SLC1A7: variants seen among roughly 807,000 people sequenced by gnomAD.
The protein encoded by SLC1A7 is solute carrier family 1 member 7, also known as excitatory amino acid transporter 5.
Under a neutral mutation model 47.7 loss-of-function variants are expected in SLC1A7, and 40 were observed. The observed-to-expected ratio is 0.84, with a 90% CI of 0.65 to 1.09. SLC1A7 has a LOEUF of 1.09. Ranked by LOEUF, SLC1A7 falls within the 50% of genes least tolerant of loss-of-function variation. The pLI is 0.00. For synonymous variants in SLC1A7, 323 were observed against 325.6 expected (o/e 0.99, Z 0.09); for missense variants, 746 against 769.5 (o/e 0.97, Z 0.36).
chr1:53,109,356 A>G (rs1644678353), intron 3 of SLC1A7, among the ~76,000 whole-genome samples: 1 of 152,206 alleles, frequency 6.6e-6, no homozygotes, highest in Non-Finnish European at 1.5e-5. Flanking sequence ...GATTCGAAAA[A>G]AAAGAGAAGG....
chr1:53,114,207 G>T (rs1170085228), intron 3 of SLC1A7, among the ~76,000 whole-genome samples: 2 of 152,168 alleles, frequency 1.3e-5, no homozygotes, highest in Admixed American at 6.5e-5. Flanking sequence ...CGCTGGGTCT[G>T]CAGTGCTTCC....
intron 5 of SLC1A7, among the ~76,000 whole-genome samples, chr1:53,099,057 C>T (rs568442648): frequency 6.6e-5 from 10 of 150,896 alleles, no homozygotes; most frequent in Middle Eastern, 3.5e-3. Flanking sequence ...ACACTCACAA[C>T]CCACCTCTGT....
rs139677452 is a variant in SLC1A7, at chr1:53,090,711, A to C, written c.1127T>G (p.Ile376Ser). The change falls in exon 8 of 11, where the codon ATC becomes AGC. Residue 376 changes from isoleucine to serine, a missense_variant. Coordinates refer to ENST00000371494, the MANE Select transcript of SLC1A7 (RefSeq NM_006671.6). ...ARFVLPVGATINMDGTALYEA... is the reference protein window; with the variant it reads ...ARFVLPVGATSNMDGTALYEA... ...GTAGAGCGCAGTGCCGTCCATGTTGATGGTGGCACCCACGGGCAGCACGAA... is the reference window on the plus strand; with the variant it reads ...GTAGAGCGCAGTGCCGTCCATGTTGCTGGTGGCACCCACGGGCAGCACGAA... 3 of 1,614,098 alleles carry C rather than the reference A, an allele frequency of 1.9e-6. No individual in the cohort carries two copies. Among genetic ancestry groups the C allele is most frequent in the Non-Finnish European group, 2.5e-6 (3 of 1,180,006 alleles).
intron 4 of SLC1A7, among the ~76,000 whole-genome samples, chr1:53,105,503 C>T (rs777663001): frequency 1.4e-4 from 21 of 152,108 alleles, no homozygotes; most frequent in Non-Finnish European, 2.2e-4. Context: ...CTTCTCTCCA[C>T]CCCCACACTT....
intron 2 of SLC1A7, among the ~76,000 whole-genome samples, chr1:53,130,230 G>T (rs1337528518): frequency 2.0e-5 from 3 of 152,214 alleles, no homozygotes; most frequent in Non-Finnish European, 2.9e-5. Context: ...TGAATACAGA[G>T]TGAGACTTTA....
chr1:53,088,354 A>T (rs922265570), intron 10 of SLC1A7, 127 bp from the exon 11 acceptor site: 2 of 755,048 alleles, frequency 2.6e-6, no homozygotes, highest in Non-Finnish European at 2.1e-6. Flanking sequence ...TCCTGCAGAC[A>T]CGCTGTGTGA....
At position 53,093,442 on chromosome 1, in the gene SLC1A7, G is replaced by A; in HGVS notation, c.797+19C>T. On this transcript the variant is annotated intron_variant, in intron 6 of 10. Coordinates refer to ENST00000371494, the MANE Select transcript of SLC1A7 (RefSeq NM_006671.6). ...ACCCAGGGCTGGCCGGGGTGAGGTG[G>A]GTAAATGAGGAGGCTTACCACACAG... The A allele has an allele frequency of 6.3e-7, 1 of 1,587,550 alleles. No homozygotes were observed. The highest frequency in any genetic ancestry group is 8.6e-7 in the Non-Finnish European group (1 of 1,164,568).
chr1:53,104,647 T>G (rs1177843307), intron 4 of SLC1A7, among the ~76,000 whole-genome samples: 1 of 152,208 alleles, frequency 6.6e-6, no homozygotes, highest in Non-Finnish European at 1.5e-5. Context: ...CAATCTGGCT[T>G]ATTTCATGGA....
chr1:53,122,553 A>G (rs1644837272), intron 2 of SLC1A7, among the ~76,000 whole-genome samples: 1 of 152,274 alleles, frequency 6.6e-6, no homozygotes, highest in Middle Eastern at 3.4e-3. Context: ...CATTAGCGCC[A>G]GCTCCAAGTC....
chr1:53,103,349 T>C lies in SLC1A7; in HGVS notation c.694A>G (p.Met232Val). The C allele has an allele frequency of 1.3e-6, 2 of 1,596,516 alleles. No homozygotes were observed. Among genetic ancestry groups the C allele is most frequent in the Non-Finnish European group, 1.7e-6 (2 of 1,172,356 alleles). Reference sequence around the variant, plus strand: ...TGGGCAGGTGGGCAGCACATACCCATGGTGGCAGAGAAGAAGACGATGCCC... The same window carrying C: ...TGGGCAGGTGGGCAGCACATACCCACGGTGGCAGAGAAGAAGACGATGCCC... ...VLGIVFFSAT[M>V]GIMLGRMGDS... is the part of the protein sequence containing the mutation. Residue 232 changes from methionine (M) to valine (V), a missense_variant, in exon 5 of 11, where the codon ATG becomes GTG. Transcript: ENST00000371494.
At chr1:53,101,645 C>T (rs551174122) in intron 5 of SLC1A7, among the ~76,000 whole-genome samples, 8 of 151,172 alleles carry the variant, frequency 5.3e-5, no homozygotes, top group Non-Finnish European at 1.0e-4. Context: ...CACCTTGCCT[C>T]GGTACACTCA....
At chr1:53,107,452 A>G (rs1055865585) in intron 3 of SLC1A7, among the ~76,000 whole-genome samples, 1 of 152,206 alleles carries the variant, frequency 6.6e-6, no homozygotes, top group African/African-American at 2.4e-5. Flanking sequence ...TGACTAACGT[A>G]CCCTAGTTAT....
At chr1:53,141,183 G>C (rs1340296394) in intron 1 of SLC1A7, among the ~76,000 whole-genome samples, 1 of 152,092 alleles carries the variant, frequency 6.6e-6, no homozygotes, top group Non-Finnish European at 1.5e-5. Context: ...TCAGTTTAGT[G>C]AGGATCCCTC....
At chr1:53,135,279 CA>C (rs751062756) in intron 1 of SLC1A7, among the ~76,000 whole-genome samples, 1 of 152,216 alleles carries the variant, frequency 6.6e-6, no homozygotes, top group Non-Finnish European at 1.5e-5. Flanking sequence ...GGTACCCCAA[CA>C]TGAACTAGGC....
At chr1:53,088,793 G>T in intron 10 of SLC1A7, 84 bp downstream of exon 10, 2 of 992,874 alleles carry the variant, frequency 2.0e-6, no homozygotes, top group South Asian at 1.5e-5. Context: ...GGAGGCTGCC[G>T]AGCTGGTTGG....
intron 2 of SLC1A7, among the ~76,000 whole-genome samples, chr1:53,123,508 G>T (rs1644848090): frequency 6.6e-6 from 1 of 152,254 alleles, no homozygotes; most frequent in African/African-American, 2.4e-5. Flanking sequence ...GAATGAGGTG[G>T]GTCTGTGTTC....
intron 5 of SLC1A7, 112 bp from the exon 6 acceptor site, chr1:53,093,672 C>T: frequency 1.4e-6 from 1 of 705,050 alleles, no homozygotes; most frequent in Non-Finnish European, 2.4e-6. Context: ...ACTCCCCCCA[C>T]TCCCCCCACT....
At chr1:53,124,683 G>A (rs888921185) in intron 2 of SLC1A7, among the ~76,000 whole-genome samples, 6 of 151,964 alleles carry the variant, frequency 3.9e-5, no homozygotes, top group Admixed American at 6.6e-5. Context: ...AGCACCTGCC[G>A]GGACCTGCTT....
chr1:53,121,008 G>A (rs555135106), intron 2 of SLC1A7, among the ~76,000 whole-genome samples: 1 of 152,360 alleles, frequency 6.6e-6, no homozygotes, highest in Admixed American at 6.5e-5. Flanking sequence ...GGATGATGCC[G>A]GTTTGCTGTG....
Sources: allele counts gnomAD v4.1 joint callset (sites outside exome capture counted in the v4.1 genomes callset), GRCh38; gene constraint gnomAD v4.1.1; transcripts MANE v1.5; gene names NCBI Gene and HGNC (gene_info 2026-07-23, HGNC 2026-07-21).